Variants in MCTP2 observed in about 807,000 individuals in gnomAD.
MCTP2 encodes multiple C2 and transmembrane domain-containing protein 2.
MCTP2 carries 132 observed loss-of-function variants against 111.6 expected under a neutral mutation model. The ratio of observed to expected loss-of-function variants is 1.18; its 90% CI spans 1.03 to 1.37. The LOEUF is 1.37. Among genes scored for constraint, MCTP2 ranks in the 40% most tolerant of loss-of-function variants. The pLI is 0.00. For synonymous variants in MCTP2, 395 were observed against 387.7 expected (o/e 1.02, Z -0.22); for missense variants, 1,183 against 1,067.9 (o/e 1.11, Z -1.50).
chr15:94,244,117 T>C (rs1283620484), intron 1 of MCTP2, among the ~76,000 whole-genome samples: 1 of 147,406 alleles, frequency 6.8e-6, no homozygotes, highest in Non-Finnish European at 1.5e-5. Flanking sequence ...TGTATATGTT[T>C]ATATACACAT....
intron 19 of MCTP2, among the ~76,000 whole-genome samples, chr15:94,456,410 G>A (rs1240787157): frequency 2.0e-5 from 3 of 152,168 alleles, no homozygotes; most frequent in Admixed American, 1.3e-4. Flanking sequence ...AAATTGTTTT[G>A]ACCTAAACTG....
At chr15:94,329,097 A>T (rs1453113375) in intron 4 of MCTP2, among the ~76,000 whole-genome samples, 1 of 152,186 alleles carries the variant, frequency 6.6e-6, no homozygotes, top group Admixed American at 6.5e-5. Context: ...TGGAAGGAAC[A>T]CTGCACCACA....
chr15:94,473,227 T>G (rs1300184070), intron 21 of MCTP2, among the ~76,000 whole-genome samples: 1 of 152,214 alleles, frequency 6.6e-6, no homozygotes, highest in African/African-American at 2.4e-5. Context: ...AAAATTATTT[T>G]GACAGGTGAG....
chr15:94,366,473 T>G (rs2079190543), intron 10 of MCTP2, among the ~76,000 whole-genome samples: 1 of 152,222 alleles, frequency 6.6e-6, no homozygotes, highest in South Asian at 2.1e-4. Context: ...TAGCTTTCTC[T>G]TAAATTTCTT....
At chr15:94,454,324 G>T (rs539577528) in intron 19 of MCTP2, among the ~76,000 whole-genome samples, 2 of 152,244 alleles carry the variant, frequency 1.3e-5, no homozygotes, top group East Asian at 3.9e-4. Flanking sequence ...AATGTACTTG[G>T]TGTTGGCTGT....
chr15:94,444,143 G>A (rs1175351358), intron 19 of MCTP2, among the ~76,000 whole-genome samples: 3 of 152,090 alleles, frequency 2.0e-5, no homozygotes, highest in Non-Finnish European at 4.4e-5. Context: ...TTTCTAGAAC[G>A]GCTCACAAAA....
chr15:94,314,436 T>TAAA (rs35800874), intron 3 of MCTP2, 92 bp downstream of exon 3: 187 of 619,460 alleles, frequency 3.0e-4, no homozygotes, highest in South Asian at 5.9e-4. Flanking sequence ...CTTTTATTGC[T>TAAA]AAAAAAAAAA....
chr15:94,464,293 CTAT>C (rs2085459225), intron 20 of MCTP2, among the ~76,000 whole-genome samples: 1 of 68,450 alleles, frequency 1.5e-5, no homozygotes, highest in African/African-American at 6.9e-5. Flanking sequence ...GTCAGCCATT[CTAT>C]TATTTCTCAT....
At chr15:94,438,915 G>A (rs1341713024) in intron 17 of MCTP2, among the ~76,000 whole-genome samples, 3 of 152,044 alleles carry the variant, frequency 2.0e-5, no homozygotes, top group East Asian at 3.9e-4. Flanking sequence ...ACAATTTTTT[G>A]TAGGAGTAAT....
In MCTP2 at chr15:94,483,807, G is replaced by A. The variant is rs1170579870; in HGVS notation, c.*4773G>A. The stretch of plus-strand genomic sequence containing the variant: ...CTGTATGACAAGCCTCTCTGACACA[G>A]TTTACCTATGTAACAAACCTGCACA... On this transcript the variant is annotated 3_prime_UTR_variant, in exon 23 of 23. Coordinates refer to ENST00000357742, the MANE Select transcript of MCTP2 (RefSeq NM_001385001.1). 1 of 152,090 alleles carries A rather than the reference G, an allele frequency of 6.6e-6. No homozygotes were observed. Among genetic ancestry groups the A allele is most frequent in the Admixed American group, 6.5e-5 (1 of 15,276 alleles). The allele number at this position is 152,090 out of a possible 1,614,324, so 9.4% of individuals were successfully genotyped here.
At chr15:94,243,167 ATACG>A (rs1483855661) in intron 1 of MCTP2, among the ~76,000 whole-genome samples, 1 of 126,604 alleles carries the variant, frequency 7.9e-6, no homozygotes, top group Non-Finnish European at 1.7e-5. Context: ...GTGTATATAC[ATACG>A]TACGTATGTA....
intron 17 of MCTP2, among the ~76,000 whole-genome samples, chr15:94,411,590 T>C (rs1567654050): frequency 1.3e-5 from 2 of 152,192 alleles, no homozygotes; most frequent in Non-Finnish European, 2.9e-5. Context: ...CAGGGTTTAC[T>C]ACAGCGTGTT....
chr15:94,478,890 T>C lies in MCTP2; in HGVS notation c.2569-76T>C. The C allele has an allele frequency of 2.3e-6, 3 of 1,302,840 alleles. No homozygotes were observed. In the South Asian group the frequency reaches 3.6e-5, roughly 16 times the overall value. 80.7% of individuals were successfully genotyped at this position (1,302,840 alleles called of 1,614,324 possible). A position where few individuals can be genotyped will look rare whatever the true frequency, so the allele number is the denominator to read the frequency against. ...TTCCTTCCTTTGCCTTCGGTTGTCCTTGGGGAGCCATTAGCACACACTGTG... is the reference window on the plus strand; with the variant it reads ...TTCCTTCCTTTGCCTTCGGTTGTCCCTGGGGAGCCATTAGCACACACTGTG... On this transcript the variant is annotated intron_variant, in intron 22 of 22. Transcript: ENST00000357742.
chr15:94,284,115 G>A (rs897852598), intron 1 of MCTP2, among the ~76,000 whole-genome samples: 10 of 152,132 alleles, frequency 6.6e-5, no homozygotes, highest in Non-Finnish European at 1.3e-4. Flanking sequence ...AAATATATGC[G>A]ACCTACAAAC....
At chr15:94,318,230 A>G (rs553743686) in intron 4 of MCTP2, among the ~76,000 whole-genome samples, 1 of 149,320 alleles carries the variant, frequency 6.7e-6, no homozygotes, top group Non-Finnish European at 1.5e-5. Flanking sequence ...TTCTCAAGCT[A>G]CATGTCCTGT....
chr15:94,426,974 T>C (rs1239881234), intron 17 of MCTP2, among the ~76,000 whole-genome samples: 1 of 152,150 alleles, frequency 6.6e-6, no homozygotes. Flanking sequence ...CCCTCATCTC[T>C]AATTTTTGTC....
chr15:94,329,777 C>T (rs138690252), intron 4 of MCTP2, among the ~76,000 whole-genome samples: 1 of 152,330 alleles, frequency 6.6e-6, no homozygotes, highest in Non-Finnish European at 1.5e-5. Context: ...AGCCAATTAA[C>T]ATATCCATCA....
chr15:94,451,342 T>A (rs1219822334), intron 19 of MCTP2, among the ~76,000 whole-genome samples: 2 of 152,226 alleles, frequency 1.3e-5, no homozygotes, highest in African/African-American at 4.8e-5. Context: ...CTTTCATCTC[T>A]TCATTATTTG....
Position 94,345,345 on chromosome 15 carries a change from G to C in MCTP2, c.1005+181G>C, listed in dbSNP as rs150833683. Among the ~76,000 whole-genome samples, 512 of 134,666 alleles carry C rather than the reference G, an allele frequency of 3.8e-3. 4 individuals carry two copies. Among genetic ancestry groups the C allele is most frequent in the Admixed American group, 9.4e-3 (112 of 11,944 alleles). 88.3% of individuals were successfully genotyped at this position (134,666 alleles called of 152,430 possible). A position where few individuals can be genotyped will look rare whatever the true frequency, so the allele number is the denominator to read the frequency against. ...AAAAATTTTATTTAATAAGGGTATT[G>C]CCAGATGTTTGAGCTGACTCTTGTT... On this transcript the variant is annotated intron_variant, in intron 8 of 22. Transcript: ENST00000357742.
Sources: gnomAD v4.1 joint callset for allele counts (sites outside exome capture counted in the v4.1 genomes callset) on GRCh38, gnomAD v4.1.1 for gene constraint, MANE v1.5 for transcripts, NCBI Gene and HGNC (gene_info 2026-07-23, HGNC 2026-07-21) for gene names.